FAM228A: variants seen among roughly 807,000 people sequenced by gnomAD.
FAM228A encodes family with sequence similarity 228 member A, also known as protein FAM228A.
FAM228A carries 13 observed loss-of-function variants against 18.6 expected under a neutral mutation model. The observed-to-expected ratio is 0.70, with a 90% CI of 0.45 to 1.11. The LOEUF (loss-of-function observed/expected upper bound fraction) is 1.11, where lower values mean the gene tolerates loss of function less well. Among genes scored for constraint, FAM228A ranks in the 50% least tolerant of loss-of-function variants. FAM228A has a pLI of 0.00. For synonymous variants in FAM228A, 77 were observed against 86.6 expected (o/e 0.89, Z 0.61); for missense variants, 240 against 242.2 (o/e 0.99, Z 0.06).
Position 24,191,465 on chromosome 2 carries a change from C to T in FAM228A, c.*834C>T, listed in dbSNP as rs1668084454. On this transcript the variant is annotated 3_prime_UTR_variant, in exon 6 of 6. Transcript: ENST00000295150. ...GTTACCTGTGACTCTTCAGCAGTTTCCTCTGAGCATAATTATATCTGAGAG... is the reference window on the plus strand; with the variant it reads ...GTTACCTGTGACTCTTCAGCAGTTTTCTCTGAGCATAATTATATCTGAGAG... 4.1e-6 allele frequency: 4 copies of T among 985,346 alleles called. No individual in the cohort carries two copies. Among genetic ancestry groups the T allele is most frequent in the Non-Finnish European group, 4.8e-6 (4 of 829,932 alleles). The allele number at this position is 985,346 out of a possible 1,614,324, so 61.0% of individuals were successfully genotyped here. A position where few individuals can be genotyped will look rare whatever the true frequency, so the allele number is the denominator to read the frequency against.
At position 24,175,545 on chromosome 2, in the gene FAM228A, C is replaced by T. The variant is rs1474179210; in HGVS notation, c.65C>T (p.Pro22Leu). 9.9e-6 allele frequency: 16 copies of T among 1,614,118 alleles called. No individual in the cohort carries two copies. The highest frequency in any genetic ancestry group is 2.2e-5 in the East Asian group (1 of 44,884). Reference sequence around the variant, plus strand: ...AGGCCAGAAAAGTTAAGAGAATGGCCGGAGCCCGAGTCCGTTTCTTTAATG... The same window carrying T: ...AGGCCAGAAAAGTTAAGAGAATGGCTGGAGCCCGAGTCCGTTTCTTTAATG... ...HFRPEKLREWPEPESVSLMEV... is the reference protein window; with the variant it reads ...HFRPEKLREWLEPESVSLMEV... Residue 22 changes from proline to leucine, a missense_variant, in exon 2 of 6, where the codon CCG becomes CTG. Transcript: ENST00000295150.
chr2:24,175,392 A>C, intron 1 of FAM228A, 75 bp from the exon 2 acceptor site: 2 of 1,054,264 alleles, frequency 1.9e-6, no homozygotes, highest in Non-Finnish European at 2.9e-6. Context: ...GGATTTGAAC[A>C]CTCCCTGAGC....
intron 5 of FAM228A, among the ~76,000 whole-genome samples, chr2:24,184,730 C>A (rs766160454): frequency 3.3e-5 from 5 of 151,870 alleles, no homozygotes; most frequent in Non-Finnish European, 7.4e-5. Context: ...GGCTGGAATG[C>A]AGTGGTGCAA....
intron 3 of FAM228A, among the ~76,000 whole-genome samples, chr2:24,178,932 C>G (rs1667753224): frequency 6.6e-6 from 1 of 152,192 alleles, no homozygotes; most frequent in South Asian, 2.1e-4. Context: ...GCTCTGTGTT[C>G]CCAGCTTCTC....
At chr2:24,188,986 G>T (rs1668018497) in intron 5 of FAM228A, among the ~76,000 whole-genome samples, 2 of 151,988 alleles carry the variant, frequency 1.3e-5, no homozygotes, top group African/African-American at 2.4e-5. Context: ...ATTATTTCTG[G>T]TTTTATGGTT....
chr2:24,183,580 CTG>C lies in FAM228A; in HGVS notation c.341_342del (p.Val114AspfsTer7). 1.2e-6 allele frequency: 2 copies of C among 1,614,060 alleles called. No individual in the cohort carries two copies. The highest frequency in any genetic ancestry group is 1.7e-6 in the Non-Finnish European group (2 of 1,179,936). On this transcript the variant is annotated frameshift_variant, in exon 5 of 6. Coordinates refer to ENST00000295150, the MANE Select transcript of FAM228A (RefSeq NM_001040710.3). LOFTEE classifies it high-confidence loss of function. ...SSPYFTFTSH[C>X]VIPKEWHKAS... ...CGCCCTACTTCACTTTCACTTCACACTGTGTGATTCCAAAAGAGTGGCATAAA... is the reference window on the plus strand; with the variant it reads ...CGCCCTACTTCACTTTCACTTCACACTGTGATTCCAAAAGAGTGGCATAAA...
chr2:24,186,543 A>G (rs1384961183), intron 5 of FAM228A, among the ~76,000 whole-genome samples: 1 of 151,860 alleles, frequency 6.6e-6, no homozygotes, highest in Non-Finnish European at 1.5e-5. Context: ...GTTTGCTATC[A>G]GTTTTTTTTA....
chr2:24,176,293 G>GT, intron 2 of FAM228A: 4 of 684,110 alleles, frequency 5.8e-6, no homozygotes, highest in Non-Finnish European at 7.2e-6. Flanking sequence ...TTTTATTGTA[G>GT]TGTCAGGATA....
intron 3 of FAM228A, among the ~76,000 whole-genome samples, chr2:24,180,967 G>A (rs147580901): frequency 9.2e-5 from 14 of 152,316 alleles, no homozygotes; most frequent in African/African-American, 3.1e-4. Context: ...TTTAAAGGCC[G>A]ACATTAGCCG....
At chr2:24,178,293 A>G (rs1395154951) in intron 3 of FAM228A, among the ~76,000 whole-genome samples, 1 of 152,214 alleles carries the variant, frequency 6.6e-6, no homozygotes, top group Non-Finnish European at 1.5e-5. Flanking sequence ...TTTAATTTCA[A>G]TGAGAGAGAC....
chr2:24,181,739 G>A (rs369264122), intron 3 of FAM228A, among the ~76,000 whole-genome samples: 4 of 152,182 alleles, frequency 2.6e-5, no homozygotes, highest in African/African-American at 9.6e-5. Context: ...GGTAGAGCAG[G>A]TTTCTTTGGT....
Position 24,190,616 on chromosome 2 carries a change from A to C in FAM228A, c.606A>C (p.Ile202=). 1 of 1,556,838 alleles carries C rather than the reference A, an allele frequency of 6.4e-7. No homozygotes were observed. Among genetic ancestry groups the C allele is most frequent in the Non-Finnish European group, 8.7e-7 (1 of 1,153,700 alleles). Residue 202 remains isoleucine (I), a synonymous_variant, in exon 6 of 6, where the codon ATA becomes ATC. Transcript: ENST00000295150. The part of the protein sequence containing the change: ...AGLCSTHEQH[I]LVPE ...TTTGCAGCACCCACGAGCAGCACAT[A>C]CTGGTTCCAGAATGAGCCACCGCCA...
At chr2:24,183,180 C>G in intron 3 of FAM228A, 105 bp from the exon 4 acceptor site, 2 of 840,448 alleles carry the variant, frequency 2.4e-6, no homozygotes, top group Non-Finnish European at 4.0e-6. Flanking sequence ...CCTTCCCACT[C>G]TTGTAGTCCT....
rs1361815034 is a variant in FAM228A at position 24,175,459 on chromosome 2, T to C, written c.-14-8T>C. The stretch of plus-strand genomic sequence containing the variant: ...TCCTCAGCCTCAGTTTACCTTTTCA[T>C]CCCTCAGGGATTCTCCTGTCCATGG... On this transcript the variant is annotated splice_polypyrimidine_tract_variant and splice_region_variant and intron_variant, in intron 1 of 5. Coordinates refer to ENST00000295150, the MANE Select transcript of FAM228A (RefSeq NM_001040710.3). 1 of 1,599,562 alleles carries C rather than the reference T, an allele frequency of 6.3e-7. No homozygotes were observed. The highest frequency in any genetic ancestry group is 8.6e-7 in the Non-Finnish European group (1 of 1,166,672).
At position 24,190,929 on chromosome 2, in the gene FAM228A, C is replaced by T. The variant is rs1668069871; in HGVS notation, c.*298C>T. ...CAGCGCCTTCGCCCGGGCCTTTGCC[C>T]TTCTGCCACTTTCCTACCATTTTCC... On this transcript the variant is annotated 3_prime_UTR_variant, in exon 6 of 6. Transcript: ENST00000295150. 4.5e-6 allele frequency: 5 copies of T among 1,102,076 alleles called. No homozygotes were observed. Among genetic ancestry groups the T allele is most frequent in the Non-Finnish European group, 3.3e-6 (3 of 904,860 alleles). The allele number at this position is 1,102,076 out of a possible 1,614,324, so 68.3% of individuals were successfully genotyped here.
intron 2 of FAM228A, chr2:24,175,814 A>G: frequency 9.5e-7 from 1 of 1,049,118 alleles, no homozygotes; most frequent in Non-Finnish European, 1.3e-6. Flanking sequence ...GAAGGCAGCC[A>G]CCCCAGCTCC....
Position 24,190,763 on chromosome 2 carries a change from C to G in FAM228A, c.*132C>G. The G allele has an allele frequency of 7.4e-7, 1 of 1,344,774 alleles. No homozygotes were observed. Among genetic ancestry groups the G allele is most frequent in the Non-Finnish European group, 9.6e-7 (1 of 1,043,180 alleles). The allele number at this position is 1,344,774 out of a possible 1,614,324, so 83.3% of individuals were successfully genotyped here. On this transcript the variant is annotated 3_prime_UTR_variant, in exon 6 of 6. Transcript: ENST00000295150. ...GCTCAGCACTGCAGCTCTGACAGGG[C>G]CCCTCGGGCGGGGAAGCCTTGCATG...
chr2:24,180,913 T>C (rs1488338355), intron 3 of FAM228A, among the ~76,000 whole-genome samples: 1 of 152,172 alleles, frequency 6.6e-6, no homozygotes, highest in African/African-American at 2.4e-5. Context: ...GTGGGGTATT[T>C]GGCCCAAGGA....
At chr2:24,181,176 A>T (rs1667808343) in intron 3 of FAM228A, among the ~76,000 whole-genome samples, 1 of 152,230 alleles carries the variant, frequency 6.6e-6, no homozygotes, top group African/African-American at 2.4e-5. Flanking sequence ...GTGGAGTCTC[A>T]TTGCAGTCCA....
Sources: allele counts gnomAD v4.1 joint callset (sites outside exome capture counted in the v4.1 genomes callset), GRCh38; gene constraint gnomAD v4.1.1; transcripts MANE v1.5; gene names NCBI Gene and HGNC (gene_info 2026-07-23, HGNC 2026-07-21).